ABCA4: variants seen among roughly 807,000 people sequenced by gnomAD.
The protein encoded by ABCA4 is retinal-specific phospholipid-transporting ATPase ABCA4.
ABCA4 carries 196 observed loss-of-function variants against 263.7 expected under a neutral mutation model. That is an observed-to-expected ratio of 0.74 (90% confidence interval 0.66 to 0.84). The LOEUF is 0.84. Among genes scored for constraint, ABCA4 ranks in the 40% least tolerant of loss-of-function variants. The pLI is 0.00. For missense variants in ABCA4, 2,792 were observed against 2,855.1 expected, an observed-to-expected ratio of 0.98 and a Z score of 0.50; for synonymous variants, 1,133 against 1,094.2, an observed-to-expected ratio of 1.04 and a Z score of -0.70.
chr1:94,062,449 A>G, intron 13 of ABCA4, 128 bp downstream of exon 13: 1 of 1,122,514 alleles, frequency 8.9e-7, no homozygotes, highest in African/African-American at 1.5e-5. Context: ...ATGCTCTCCA[A>G]TTTGGCTCTG....
At chr1:94,001,809 G>A (rs759182752) in intron 45 of ABCA4, 49 bp downstream of exon 45, 2 of 1,613,644 alleles carry the variant, frequency 1.2e-6, no homozygotes, top group African/African-American at 2.7e-5. Flanking sequence ...CAACCCAAGA[G>A]ACCCAGCACT....
At chr1:94,034,481 C>A (rs1198827579) in intron 26 of ABCA4, among the ~76,000 whole-genome samples, 1 of 152,034 alleles carries the variant, frequency 6.6e-6, no homozygotes, top group Admixed American at 6.6e-5. Flanking sequence ...TGGCAGTCAG[C>A]CACAGACCCT....
At chr1:94,071,892 T>G (rs2101091488) in intron 11 of ABCA4, among the ~76,000 whole-genome samples, 1 of 152,346 alleles carries the variant, frequency 6.6e-6, no homozygotes, top group East Asian at 1.9e-4. Flanking sequence ...ACTTCTGTGC[T>G]CTTTCTCACG....
intron 11 of ABCA4, among the ~76,000 whole-genome samples, chr1:94,075,671 C>T (rs746098601): frequency 1.3e-5 from 2 of 152,240 alleles, no homozygotes; most frequent in African/African-American, 2.4e-5. Flanking sequence ...CGAGGGCCCT[C>T]GAGTTTATTC....
At chr1:94,117,628 C>T (rs767900623) in intron 1 of ABCA4, among the ~76,000 whole-genome samples, 2 of 152,068 alleles carry the variant, frequency 1.3e-5, no homozygotes, top group Non-Finnish European at 2.9e-5. Flanking sequence ...GTGGAGAGAG[C>T]GCTCGTCATT....
At chr1:94,073,883 A>C (rs1661469903) in intron 11 of ABCA4, among the ~76,000 whole-genome samples, 1 of 152,178 alleles carries the variant, frequency 6.6e-6, no homozygotes, top group Non-Finnish European at 1.5e-5. Flanking sequence ...GCACAAATGA[A>C]GCAACAGAGC....
intron 44 of ABCA4, among the ~76,000 whole-genome samples, chr1:94,002,658 C>G (rs969678164): frequency 6.6e-6 from 1 of 152,160 alleles, no homozygotes; most frequent in African/African-American, 2.4e-5. Flanking sequence ...TACTAGTCCC[C>G]CGTGCCTGGA....
At chr1:94,018,152 T>A (rs1483592714) in intron 36 of ABCA4, among the ~76,000 whole-genome samples, 1 of 152,186 alleles carries the variant, frequency 6.6e-6, no homozygotes, top group Non-Finnish European at 1.5e-5. Context: ...CCTAGCTACA[T>A]CTCTCTCCAT....
At chr1:94,049,310 G>A (rs1457909483) in intron 17 of ABCA4, among the ~76,000 whole-genome samples, 1 of 152,200 alleles carries the variant, frequency 6.6e-6, no homozygotes, top group East Asian at 1.9e-4. Context: ...ACATGTGAAA[G>A]TCATGGTGAA....
chr1:94,100,392 C>T (rs566315222), intron 5 of ABCA4, among the ~76,000 whole-genome samples: 2 of 152,316 alleles, frequency 1.3e-5, no homozygotes, highest in East Asian at 1.9e-4. Context: ...TTACTATTTC[C>T]ATTTTACAAA....
rs536106176 is a variant in ABCA4 at position 93,998,406 on chromosome 1, A to G, written c.6480-296T>C. Among the ~76,000 whole-genome samples the G allele has an allele frequency of 4.6e-5, 7 of 152,288 alleles. No individual in the cohort carries two copies. The East Asian group carries it at 1.4e-3, about 29-fold the overall frequency. On this transcript the variant is annotated intron_variant, in intron 47 of 49. Transcript: ENST00000370225. ...TGAGGCGGGAGGATCACTTGAGCAT[A>G]GGAGGTCAAGGCTACAGTGAGCCAT...
chr1:94,091,080 G>C (rs1286283839), intron 6 of ABCA4, among the ~76,000 whole-genome samples: 1 of 152,194 alleles, frequency 6.6e-6, no homozygotes, highest in Non-Finnish European at 1.5e-5. Context: ...AGTGACTAGA[G>C]AGACAGCCAG....
chr1:94,116,845 A>C (rs11576368), intron 1 of ABCA4, among the ~76,000 whole-genome samples: 229 of 152,286 alleles, frequency 1.5e-3, no homozygotes, highest in Non-Finnish European at 2.9e-3. Flanking sequence ...AACTTTAATT[A>C]AGCCCAGCCA....
Position 94,060,156 on chromosome 1 carries a change from T to C in ABCA4, c.2160+381A>G, listed in dbSNP as rs138233229. Among the ~76,000 whole-genome samples, 852 of 152,332 alleles carry C rather than the reference T, an allele frequency of 5.6e-3. 4 individuals are homozygous for C. The highest frequency in any genetic ancestry group is 8.9e-3 in the Non-Finnish European group (606 of 68,020). ...TTTCAACTCTAGCCAGTAGTTAAAA[T>C]TGTAAGCCCAGGAAAACACTCCCTG... On this transcript the variant is annotated intron_variant, in intron 14 of 49. Transcript: ENST00000370225.
intron 43 of ABCA4, 64 bp downstream of exon 43, chr1:94,007,564 GATCACC>G: frequency 2.2e-6 from 3 of 1,380,390 alleles, no homozygotes; most frequent in Non-Finnish European, 3.1e-6. Context: ...AGGGTCTGAT[GATCACC>G]CTTCCTATTC....
chr1:94,084,692 C>T lies in ABCA4; in HGVS notation c.769-1251G>A, dbSNP rs367999927. On this transcript the variant is annotated intron_variant, in intron 6 of 49. Coordinates refer to ENST00000370225, the MANE Select transcript of ABCA4 (RefSeq NM_000350.3). ...TAGAATTTTCCAGAGGAAAGAACAA[C>T]TAAGCTGCTATTGACACCACATCAC... Among the ~76,000 whole-genome samples the T allele has an allele frequency of 6.4e-4, 97 of 152,330 alleles. 1 individual carries two copies. The South Asian group carries it at 0.016, about 25-fold the overall frequency.
At chr1:94,120,318 C>G in intron 1 of ABCA4, among the ~76,000 whole-genome samples, 1 of 152,154 alleles carries the variant, frequency 6.6e-6, no homozygotes, top group East Asian at 1.9e-4. Context: ...CCAGTCTAAC[C>G]CAGGCTGGTG....
intron 3 of ABCA4, 60 bp from the exon 4 acceptor site, chr1:94,108,776 A>C: frequency 3.8e-6 from 6 of 1,587,578 alleles, no homozygotes; most frequent in Non-Finnish European, 5.2e-6. Context: ...CAGTAATAAT[A>C]TCTCATGCTA....
chr1:94,042,098 C>CAAAAAAAAAAAAA (rs11334956), intron 22 of ABCA4, among the ~76,000 whole-genome samples: 18 of 81,242 alleles, frequency 2.2e-4, no homozygotes, highest in Admixed American at 3.0e-4. Flanking sequence ...GATTCTGTCT[C>CAAAAAAAAAAAAA]AAAAAAAAAA....
Sources: gnomAD v4.1 joint callset for allele counts (sites outside exome capture counted in the v4.1 genomes callset) on GRCh38, gnomAD v4.1.1 for gene constraint, MANE v1.5 for transcripts, NCBI Gene and HGNC (gene_info 2026-07-23, HGNC 2026-07-21) for gene names.